The following CDH13 variants were observed in gnomAD, a reference collection of about 807,000 sequenced individuals.
CDH13 encodes cadherin 13, also known as cadherin-13.
CDH13 carries 24 observed loss-of-function variants against 63.8 expected under a neutral mutation model. That is an observed-to-expected ratio of 0.38 (90% CI 0.27 to 0.53). CDH13 has a LOEUF of 0.53. CDH13 is among the 20% of genes least tolerant of loss of function. The pLI is 0.85. For synonymous variants in CDH13, 503 were observed against 355.3 expected (o/e 1.42, Z -4.67); for missense variants, 1,049 against 903.1 (o/e 1.16, Z -2.07).
chr16:83,181,137 C>A, intron 4 of CDH13: 1 of 877,824 alleles, frequency 1.1e-6, no homozygotes, highest in Non-Finnish European at 1.7e-6. Context: ...AATGTGTAGA[C>A]AGAGAGTCAG....
intron 1 of CDH13, among the ~76,000 whole-genome samples, chr16:82,816,681 G>A (rs2151191069): frequency 6.7e-6 from 1 of 148,352 alleles, no homozygotes; most frequent in African/African-American, 2.4e-5. Context: ...GGAGATAATA[G>A]AAGATGAACT....
intron 8 of CDH13, among the ~76,000 whole-genome samples, chr16:83,613,728 G>C (rs763903112): frequency 6.6e-6 from 1 of 152,038 alleles, no homozygotes; most frequent in Admixed American, 6.6e-5. Context: ...AGCTGCCTTG[G>C]AGGCTGAGGC....
chr16:83,713,722 G>C (rs375142), intron 10 of CDH13, among the ~76,000 whole-genome samples: 19,307 of 152,054 alleles, frequency 0.13, 1,349 homozygotes, highest in Middle Eastern at 0.2. Context: ...ACCAGAACTC[G>C]ATCTGAGGGT....
intron 6 of CDH13, among the ~76,000 whole-genome samples, chr16:83,443,611 C>A (rs1414125790): frequency 6.6e-6 from 1 of 150,558 alleles, no homozygotes; most frequent in Non-Finnish European, 1.5e-5. Context: ...TGGTTCACAC[C>A]TGTAATCCCA....
At chr16:83,726,721 C>T (rs541570815) in intron 10 of CDH13, among the ~76,000 whole-genome samples, 1 of 152,090 alleles carries the variant, frequency 6.6e-6, no homozygotes, top group Non-Finnish European at 1.5e-5. Flanking sequence ...CCCTGTAGTC[C>T]CAGCTACTCG....
chr16:82,841,204 C>G (rs2038994741), intron 1 of CDH13, among the ~76,000 whole-genome samples: 1 of 152,150 alleles, frequency 6.6e-6, no homozygotes, highest in African/African-American at 2.4e-5. Context: ...GTGAAAATCC[C>G]TGATATTTGA....
At chr16:83,566,191 T>A (rs901663153) in intron 7 of CDH13, among the ~76,000 whole-genome samples, 1 of 152,120 alleles carries the variant, frequency 6.6e-6, no homozygotes, top group Non-Finnish European at 1.5e-5. Context: ...AGGCATTGGA[T>A]AATGGCAGCC....
At chr16:82,919,306 C>T (rs1336745699) in intron 2 of CDH13, among the ~76,000 whole-genome samples, 1 of 152,148 alleles carries the variant, frequency 6.6e-6, no homozygotes, top group Non-Finnish European at 1.5e-5. Context: ...TGTGATCAGC[C>T]TCGTACTAAG....
At chr16:83,646,312 A>G (rs60959326) in intron 8 of CDH13, among the ~76,000 whole-genome samples, 1,977 of 152,276 alleles carry the variant, frequency 0.013, 64 homozygotes, top group African/African-American at 0.045. Context: ...GGGTCATGAC[A>G]TGAAGGATGT....
chr16:83,796,037 T>C lies in CDH13; in HGVS notation c.*1007T>C, dbSNP rs1228262642. 1 of 152,646 alleles carries C rather than the reference T, an allele frequency of 6.6e-6. No individual in the cohort carries two copies. The highest frequency in any genetic ancestry group is 1.5e-5 in the Non-Finnish European group (1 of 68,032). The allele number at this position is 152,646 out of a possible 1,614,324, so 9.5% of individuals were successfully genotyped here. A position where few individuals can be genotyped will look rare whatever the true frequency, so the allele number is the denominator to read the frequency against. The stretch of plus-strand genomic sequence containing the variant: ...ACATTCACGCTGTTTGTTTCATATA[T>C]ACAGGCATAAAATAGAGTAAATACA... On this transcript the variant is annotated 3_prime_UTR_variant, in exon 14 of 14. Transcript: ENST00000567109.
chr16:82,751,697 A>C (rs989537028), intron 1 of CDH13, among the ~76,000 whole-genome samples: 7 of 120,452 alleles, frequency 5.8e-5, no homozygotes, highest in African/African-American at 2.5e-4. Flanking sequence ...GACCATGGAA[A>C]ACAGGTAAAA....
At chr16:83,225,342 A>T (rs1206145231) in intron 5 of CDH13, among the ~76,000 whole-genome samples, 1 of 152,132 alleles carries the variant, frequency 6.6e-6, no homozygotes, top group Non-Finnish European at 1.5e-5. Flanking sequence ...GTGCCATTTG[A>T]AAGCCCTCTC....
chr16:82,627,331 GGCGT>G lies in CDH13; in HGVS notation c.45+200_45+203del, dbSNP rs4060537. 2.6e-4 allele frequency among the ~76,000 whole-genome samples: 33 copies of G among 129,212 alleles called. No homozygotes were observed. In the South Asian group the frequency reaches 6.2e-3, roughly 24 times the overall value. 84.8% of individuals were successfully genotyped at this position (129,212 alleles called of 152,430 possible). ...CCCCCCACACACAGGCTCCCACTCT[GGCGT>G]GCGTGTGTGTGTGTGTGTGTGTGTG... On this transcript the variant is annotated intron_variant, in intron 1 of 13. Coordinates refer to ENST00000567109, the MANE Select transcript of CDH13 (RefSeq NM_001257.5).
intron 1 of CDH13, among the ~76,000 whole-genome samples, chr16:82,757,912 G>T (rs2034679340): frequency 6.6e-6 from 1 of 152,164 alleles, no homozygotes; most frequent in South Asian, 2.1e-4. Context: ...GCCTCCCAAA[G>T]TGCTGAGATT....
At chr16:83,472,091 C>A (rs1173180400) in intron 6 of CDH13, among the ~76,000 whole-genome samples, 1 of 152,160 alleles carries the variant, frequency 6.6e-6, no homozygotes, top group East Asian at 1.9e-4. Context: ...GTGTCCTGGG[C>A]TGAATGTTAC....
At chr16:83,038,365 C>A (rs1917047551) in intron 3 of CDH13, among the ~76,000 whole-genome samples, 1 of 152,176 alleles carries the variant, frequency 6.6e-6, no homozygotes, top group African/African-American at 2.4e-5. Flanking sequence ...TTTTAATGGG[C>A]TTCCCAGAAT....
chr16:83,234,410 C>G (rs1006492604), intron 5 of CDH13, among the ~76,000 whole-genome samples: 1 of 152,140 alleles, frequency 6.6e-6, no homozygotes, highest in Non-Finnish European at 1.5e-5. Context: ...CCCCAAGGCC[C>G]TTTTGTCCAC....
intron 6 of CDH13, among the ~76,000 whole-genome samples, chr16:83,467,515 C>T (rs1398398089): frequency 2.1e-5 from 3 of 144,748 alleles, no homozygotes; most frequent in Admixed American, 1.3e-4. Flanking sequence ...GCCTAGAAAA[C>T]GTGTCTGTTT....
intron 10 of CDH13, among the ~76,000 whole-genome samples, chr16:83,720,218 C>T (rs979251068): frequency 6.6e-6 from 1 of 152,106 alleles, no homozygotes; most frequent in Non-Finnish European, 1.5e-5. Context: ...TGTGCATGTA[C>T]ACATGTGTAC....
Sources: allele counts gnomAD v4.1 joint callset (sites outside exome capture counted in the v4.1 genomes callset), GRCh38; gene constraint gnomAD v4.1.1; transcripts MANE v1.5; gene names NCBI Gene and HGNC (gene_info 2026-07-23, HGNC 2026-07-21).